The following PRDM2 variants were observed in gnomAD, a reference collection of about 807,000 sequenced individuals.
PRDM2 encodes PR domain zinc finger protein 2.
In PRDM2, 30 loss-of-function variants were observed where a neutral mutation model predicts 130.0. The observed-to-expected ratio is 0.23, with a 90% CI of 0.17 to 0.31. The LOEUF is 0.31. Ranked by LOEUF, PRDM2 falls within the 10% of genes least tolerant of loss-of-function variation. The pLI is 1.00. For synonymous variants in PRDM2, 871 were observed against 782.4 expected, an observed-to-expected ratio of 1.11 and a Z score of -1.89; for missense variants, 2,011 against 2,108.4, an observed-to-expected ratio of 0.95 and a Z score of 0.90.
At chr1:13,748,857 G>C (rs1643698947) in intron 5 of PRDM2, among the ~76,000 whole-genome samples, 2 of 152,206 alleles carry the variant, frequency 1.3e-5, no homozygotes, top group South Asian at 4.1e-4. Flanking sequence ...CTCTGGGATA[G>C]AAACCGCGGC....
intron 1 of PRDM2, chr1:13,705,196 C>T (rs1254774968): frequency 1.3e-5 from 2 of 152,134 alleles, no homozygotes; most frequent in Non-Finnish European, 2.9e-5. Flanking sequence ...CCCCTGTTGT[C>T]TCTTACTATT....
At position 13,824,806 on chromosome 1, in the gene PRDM2, G is replaced by A. The variant is rs1257570786; in HGVS notation, c.*1671G>A. The A allele has an allele frequency of 2.0e-5, 3 of 152,472 alleles. No homozygotes were observed. Among genetic ancestry groups the A allele is most frequent in the African/African-American group, 4.8e-5 (2 of 41,448 alleles). 9.4% of individuals were successfully genotyped at this position (152,472 alleles called of 1,614,324 possible). ...CACCGCAGCAGCAAGGAAAGCTCAC[G>A]AACCCCAAACCTGGCAAGTCACCTG... On this transcript the variant is annotated 3_prime_UTR_variant, in exon 10 of 10. Transcript: ENST00000311066.
chr1:13,757,826 T>C (rs1643996386), intron 6 of PRDM2, among the ~76,000 whole-genome samples: 1 of 145,762 alleles, frequency 6.9e-6, no homozygotes, highest in South Asian at 2.2e-4. Context: ...GGAATGCACA[T>C]GAACTATTTG....
At chr1:13,743,818 T>C (rs1303352951) in intron 5 of PRDM2, among the ~76,000 whole-genome samples, 1 of 152,244 alleles carries the variant, frequency 6.6e-6, no homozygotes, top group Non-Finnish European at 1.5e-5. Flanking sequence ...TCCCTGCAGA[T>C]TTTTTGTTAC....
chr1:13,780,692 T>A lies in PRDM2; in HGVS notation c.2897T>A (p.Ile966Asn). 2 of 1,607,256 alleles carry A rather than the reference T, an allele frequency of 1.2e-6. No homozygotes were observed. Among genetic ancestry groups the A allele is most frequent in the Non-Finnish European group, 1.7e-6 (2 of 1,176,226 alleles). The change falls in exon 8 of 10, where the codon ATC (isoleucine) becomes AAC (asparagine). Residue 966 changes from isoleucine to asparagine, a missense_variant. Ile to Asn is a moderately radical substitution (Grantham distance 149). Coordinates refer to ENST00000311066, the MANE Select transcript of PRDM2 (RefSeq NM_001393986.1). ...TCCGGTCAGCTGCCTCCTCTCTTGA[T>A]CCCCACAGATCCCTCTTCCCCTCCA... Reference protein sequence around the residue: ...LSSGQLPPLLIPTDPSSPPPC... With the variant: ...LSSGQLPPLLNPTDPSSPPPC...
At position 13,741,869 on chromosome 1, in the gene PRDM2, G is replaced by A. The variant is rs902480597; in HGVS notation, c.232-136G>A. The A allele has an allele frequency of 7.5e-6, 5 of 663,598 alleles. No homozygotes were observed. The African/African-American group carries it at 9.1e-5, about 12-fold the overall frequency. The allele number at this position is 663,598 out of a possible 1,614,324, so 41.1% of individuals were successfully genotyped here. A position where few individuals can be genotyped will look rare whatever the true frequency, so the allele number is the denominator to read the frequency against. On this transcript the variant is annotated intron_variant, in intron 4 of 9. Transcript: ENST00000311066. The stretch of plus-strand genomic sequence containing the variant: ...TGTATTTTTCTTTTCTCTGTCGCTT[G>A]TTTTGTTTTTATGAAATGCTTTATA...
intron 1 of PRDM2, among the ~76,000 whole-genome samples, chr1:13,709,572 A>G (rs1014333343): frequency 6.6e-6 from 1 of 152,090 alleles, no homozygotes; most frequent in African/African-American, 2.4e-5. Flanking sequence ...TCATCTCTGT[A>G]TTTGCTACAG....
chr1:13,783,340 C>T (rs1644663241), intron 8 of PRDM2: 1 of 363,568 alleles, frequency 2.8e-6, no homozygotes, highest in South Asian at 2.1e-5. Flanking sequence ...TAATTGATTG[C>T]ATCGGTCAAA....
rs566346274 is a variant in PRDM2 at position 13,734,480 on chromosome 1, T to G, written c.231+1598T>G. On this transcript the variant is annotated intron_variant, in intron 4 of 9. Transcript: ENST00000311066. The stretch of plus-strand genomic sequence containing the variant: ...ACTTAAGTTAGTAGTACCTATTTTA[T>G]CCCATGTAACAACTTGATGTTGTTG... Among the ~76,000 whole-genome samples the G allele has an allele frequency of 1.0e-3, 157 of 152,314 alleles. 1 individual carries two copies. Among genetic ancestry groups the G allele is most frequent in the African/African-American group, 3.6e-3 (151 of 41,558 alleles).
intron 8 of PRDM2, among the ~76,000 whole-genome samples, 164 bp from the exon 9 acceptor site, chr1:13,816,263 G>T (rs1434143689): frequency 6.6e-6 from 1 of 152,184 alleles, no homozygotes; most frequent in Non-Finnish European, 1.5e-5. Context: ...TAAAGCTCAT[G>T]TCCTATTAGC....
chr1:13,746,972 T>C (rs1422630692), intron 5 of PRDM2, among the ~76,000 whole-genome samples: 1 of 152,238 alleles, frequency 6.6e-6, no homozygotes, highest in Non-Finnish European at 1.5e-5. Context: ...GTTTTTACTT[T>C]GTGTGTTTTG....
chr1:13,757,465 C>G (rs1298460136), intron 6 of PRDM2, among the ~76,000 whole-genome samples: 1 of 152,166 alleles, frequency 6.6e-6, no homozygotes, highest in Non-Finnish European at 1.5e-5. Flanking sequence ...TTCATTTTGT[C>G]TTATTGATGA....
At chr1:13,746,102 G>A (rs1309539791) in intron 5 of PRDM2, among the ~76,000 whole-genome samples, 1 of 152,152 alleles carries the variant, frequency 6.6e-6, no homozygotes, top group East Asian at 1.9e-4. Context: ...ATATGCTGAT[G>A]TTTAAAGGAG....
rs1009122939 is a variant in PRDM2 at position 13,734,987 on chromosome 1, C to A, written c.231+2105C>A. ...TTCCAACTCTGCTCTTACCCTCAGACCTGCATCAGAATGCCTTGTATTAAT... is the reference window on the plus strand; with the variant it reads ...TTCCAACTCTGCTCTTACCCTCAGAACTGCATCAGAATGCCTTGTATTAAT... On this transcript the variant is annotated intron_variant, in intron 4 of 9. Coordinates refer to ENST00000311066, the MANE Select transcript of PRDM2 (RefSeq NM_001393986.1). 2.6e-5 allele frequency among the ~76,000 whole-genome samples: 4 copies of A among 152,204 alleles called. No homozygotes were observed. In the South Asian group the frequency reaches 8.3e-4, roughly 32 times the overall value.
Position 13,803,864 on chromosome 1 carries a change from T to C in PRDM2, c.5037-12563T>C, listed in dbSNP as rs1418313637. The stretch of plus-strand genomic sequence containing the variant: ...CATGGCCTCTGAGGACCTCAGAACC[T>C]GGCTTAGAAGCTCCACAAAGCAGGG... On this transcript the variant is annotated intron_variant, in intron 8 of 9. Transcript: ENST00000311066. This position sits in a 1 kb window ranked among gnomAD's most constrained non-coding sequence, Gnocchi z 6.2. 6.6e-6 allele frequency among the ~76,000 whole-genome samples: 1 copy of C among 152,126 alleles called. No individual in the cohort carries two copies. The highest frequency in any genetic ancestry group is 1.5e-5 in the Non-Finnish European group (1 of 68,012).
At position 13,780,049 on chromosome 1, in the gene PRDM2, G is replaced by A; in HGVS notation, c.2254G>A (p.Asp752Asn). The change falls in exon 8 of 10, where the codon GAC becomes AAC. Residue 752 changes from aspartate to asparagine, a missense_variant. Transcript: ENST00000311066. The part of the protein sequence containing the change: ...SSPQHSPALR[D>N]FGKPSDGKAA... ...TCCACAGCACAGTCCTGCCCTTCGA[G>A]ACTTTGGAAAGCCAAGTGATGGGAA... The A allele has an allele frequency of 6.2e-7, 1 of 1,614,170 alleles. No individual in the cohort carries two copies. Among genetic ancestry groups the A allele is most frequent in the Non-Finnish European group, 8.5e-7 (1 of 1,180,032 alleles).
intron 6 of PRDM2, among the ~76,000 whole-genome samples, chr1:13,755,353 A>G (rs1453314898): frequency 6.6e-6 from 1 of 152,192 alleles, no homozygotes; most frequent in African/African-American, 2.4e-5. Flanking sequence ...AGTTTTAAAT[A>G]TCATAATTGA....
chr1:13,755,592 G>A (rs1474482785), intron 6 of PRDM2, among the ~76,000 whole-genome samples: 1 of 151,602 alleles, frequency 6.6e-6, no homozygotes, highest in African/African-American at 2.4e-5. Context: ...CTAATTTCCT[G>A]TGTTTTCCTT....
intron 1 of PRDM2, among the ~76,000 whole-genome samples, chr1:13,713,661 A>T (rs1162628786): frequency 6.6e-6 from 1 of 151,942 alleles, no homozygotes; most frequent in East Asian, 1.9e-4. Flanking sequence ...CTCAAAGAGA[A>T]CTCCCCTGAG....
Sources: allele counts gnomAD v4.1 joint callset (sites outside exome capture counted in the v4.1 genomes callset), GRCh38; gene constraint gnomAD v4.1.1; non-coding constraint Gnocchi (gnomAD v3.1); transcripts MANE v1.5; gene names NCBI Gene and HGNC (gene_info 2026-07-23, HGNC 2026-07-21).